PRKAR1B: variants seen among roughly 807,000 people sequenced by gnomAD.
PRKAR1B encodes protein kinase cAMP-dependent type I regulatory subunit beta, also known as cAMP-dependent protein kinase type I-beta regulatory subunit.
A neutral mutation model predicts 46.5 loss-of-function variants in PRKAR1B; 22 were observed. That is an observed-to-expected ratio of 0.47 (90% CI 0.34 to 0.68). The LOEUF (loss-of-function observed/expected upper bound fraction) is 0.68, where lower values mean the gene tolerates loss of function less well. Among genes scored for constraint, PRKAR1B ranks in the 30% least tolerant of loss-of-function variants. The pLI is 0.01. For synonymous variants in PRKAR1B, 259 were observed against 217.7 expected (o/e 1.19, Z -1.67); for missense variants, 445 against 535.6 (o/e 0.83, Z 1.67).
intron 1 of PRKAR1B, among the ~76,000 whole-genome samples, chr7:719,848 T>C (rs1781011249): frequency 6.6e-6 from 1 of 152,178 alleles, no homozygotes; most frequent in Non-Finnish European, 1.5e-5. Flanking sequence ...ACTTTATGGA[T>C]GTCATACAAA....
intron 4 of PRKAR1B, among the ~76,000 whole-genome samples, chr7:623,978 C>G (rs1165256833): frequency 6.6e-6 from 1 of 152,156 alleles, no homozygotes; most frequent in Non-Finnish European, 1.5e-5. Context: ...GGCTTCCAAC[C>G]AGAATTGCTA....
At chr7:631,971 C>T (rs1010319138) in intron 4 of PRKAR1B, among the ~76,000 whole-genome samples, 8 of 150,846 alleles carry the variant, frequency 5.3e-5, no homozygotes, top group Admixed American at 2.0e-4. Context: ...AAAAAAGCAG[C>T]GGGAGGAGAG....
intron 9 of PRKAR1B, 42 bp from the exon 10 acceptor site, chr7:551,512 G>A (rs1252130365): frequency 8.4e-6 from 13 of 1,539,802 alleles, no homozygotes; most frequent in Non-Finnish European, 1.1e-5. Flanking sequence ...AGCCAGGCGG[G>A]TGCAGGGTGG....
chr7:624,866 G>C (rs1783301514), intron 4 of PRKAR1B, among the ~76,000 whole-genome samples: 1 of 152,156 alleles, frequency 6.6e-6, no homozygotes. Context: ...TAAAAAAAGA[G>C]AATCAGTAAG....
chr7:723,966 C>T (rs776876482), intron 1 of PRKAR1B, among the ~76,000 whole-genome samples: 3 of 152,216 alleles, frequency 2.0e-5, no homozygotes, highest in South Asian at 2.1e-4. Context: ...CCTGTATGCA[C>T]GTCTATCTCC....
intron 9 of PRKAR1B, among the ~76,000 whole-genome samples, chr7:572,003 C>T (rs532190171): frequency 6.6e-6 from 1 of 152,238 alleles, no homozygotes; most frequent in Non-Finnish European, 1.5e-5. Flanking sequence ...GCTCCCATTG[C>T]CACAGGACCG....
At chr7:617,407 C>T (rs1055448986) in intron 4 of PRKAR1B, among the ~76,000 whole-genome samples, 3 of 151,380 alleles carry the variant, frequency 2.0e-5, no homozygotes, top group African/African-American at 4.9e-5. Context: ...TGAGCTCAAG[C>T]GATCCTCCTG....
At chr7:554,847 G>A (rs1388003323) in intron 9 of PRKAR1B, among the ~76,000 whole-genome samples, 4 of 152,030 alleles carry the variant, frequency 2.6e-5, no homozygotes, top group East Asian at 1.9e-4. Context: ...GGGAGGCCAC[G>A]GATCCCACAG....
At chr7:599,340 C>T (rs892685383) in intron 6 of PRKAR1B, among the ~76,000 whole-genome samples, 1 of 151,828 alleles carries the variant, frequency 6.6e-6, no homozygotes, top group Non-Finnish European at 1.5e-5. Flanking sequence ...TCTTGTTCCT[C>T]AGGCTGGAGT....
chr7:694,385 G>A (rs566776566), intron 2 of PRKAR1B, among the ~76,000 whole-genome samples: 5 of 142,828 alleles, frequency 3.5e-5, no homozygotes, highest in Non-Finnish European at 5.9e-5. Flanking sequence ...TTTAGACCCC[G>A]GACCAAGACA....
At chr7:557,577 A>G (rs1221559707) in intron 9 of PRKAR1B, among the ~76,000 whole-genome samples, 1 of 152,182 alleles carries the variant, frequency 6.6e-6, no homozygotes, top group African/African-American at 2.4e-5. Flanking sequence ...CAGGATGGAC[A>G]TGGACCAGGA....
intron 2 of PRKAR1B, among the ~76,000 whole-genome samples, chr7:700,271 C>T (rs1049073227): frequency 8.5e-5 from 13 of 152,174 alleles, no homozygotes; most frequent in African/African-American, 2.4e-4. Context: ...ACCCCAAAGG[C>T]TTGGAAACGG....
In PRKAR1B at chr7:666,516, C is replaced by T. The variant is rs894605819; in HGVS notation, c.440+10713G>A. 3.9e-5 allele frequency among the ~76,000 whole-genome samples: 6 copies of T among 152,222 alleles called. No individual in the cohort carries two copies. Among genetic ancestry groups the T allele is most frequent in the African/African-American group, 1.4e-4 (6 of 41,450 alleles). On this transcript the variant is annotated intron_variant, in intron 4 of 10. Coordinates refer to ENST00000537384, the MANE Select transcript of PRKAR1B (RefSeq NM_001164760.2). This position sits in a 1 kb window ranked among gnomAD's most constrained non-coding sequence, Gnocchi z 4.9. The stretch of plus-strand genomic sequence containing the variant: ...GGCCTGCCCTGGGAGCTACTCAACT[C>T]TGCAGAGGGGCTGTGCAGGTGCCGT...
At chr7:590,065 G>C (rs569114766) in intron 7 of PRKAR1B, among the ~76,000 whole-genome samples, 1 of 152,200 alleles carries the variant, frequency 6.6e-6, no homozygotes, top group Non-Finnish European at 1.5e-5. Flanking sequence ...CGGAAATGTC[G>C]GTGGCCTGGC....
chr7:582,165 G>T (rs1167925125), intron 8 of PRKAR1B, among the ~76,000 whole-genome samples: 1 of 123,474 alleles, frequency 8.1e-6, no homozygotes, highest in African/African-American at 3.2e-5. Flanking sequence ...ACCTGCCCAG[G>T]GGGGAACCCA....
chr7:706,202 G>A (rs954389057), intron 2 of PRKAR1B, among the ~76,000 whole-genome samples: 14 of 151,742 alleles, frequency 9.2e-5, no homozygotes, highest in Non-Finnish European at 1.6e-4. Context: ...GGTGGGCACC[G>A]GTACTCCCAG....
At chr7:563,598 T>C (rs918251355) in intron 9 of PRKAR1B, among the ~76,000 whole-genome samples, 1 of 151,764 alleles carries the variant, frequency 6.6e-6, no homozygotes, top group African/African-American at 2.4e-5. Flanking sequence ...GGGTGTGTTA[T>C]TGTGTGCACA....
chr7:690,923 C>T (rs757585987), intron 2 of PRKAR1B, among the ~76,000 whole-genome samples: 1 of 152,270 alleles, frequency 6.6e-6, no homozygotes, highest in Non-Finnish European at 1.5e-5. Context: ...CTGCCAGCCA[C>T]CACAGGCTCC....
intron 4 of PRKAR1B, among the ~76,000 whole-genome samples, chr7:633,540 G>T (rs776454572): frequency 6.6e-6 from 1 of 152,170 alleles, no homozygotes; most frequent in Non-Finnish European, 1.5e-5. Context: ...GAGGCGGGAG[G>T]ATCACTTCAG....
Sources: gnomAD v4.1 joint callset for allele counts (sites outside exome capture counted in the v4.1 genomes callset) on GRCh38, gnomAD v4.1.1 for gene constraint, Gnocchi (gnomAD v3.1) non-coding constraint, MANE v1.5 for transcripts, NCBI Gene and HGNC (gene_info 2026-07-23, HGNC 2026-07-21) for gene names.